Variants in WDR49 observed in about 807,000 individuals in gnomAD.
WDR49 encodes the protein WD repeat domain 49.
A neutral mutation model predicts 119.5 loss-of-function variants in WDR49; 107 were observed. The ratio of observed to expected loss-of-function variants is 0.90; its 90% confidence interval spans 0.77 to 1.05. The LOEUF is 1.05. WDR49 is among the 50% of genes least tolerant of loss of function. The pLI, the probability that WDR49 is intolerant of heterozygous loss-of-function variation, is 0.00. For synonymous variants in WDR49, 425 were observed against 418.8 expected, an observed-to-expected ratio of 1.01 and a Z score of -0.18; for missense variants, 1,240 against 1,220.5, an observed-to-expected ratio of 1.02 and a Z score of -0.24.
chr3:167,650,157 G>A (rs6444468), intron 2 of WDR49, among the ~76,000 whole-genome samples: 43,324 of 151,998 alleles, frequency 0.29, 6,667 homozygotes, highest in African/African-American at 0.4. Context: ...CTTTCCCAAA[G>A]TTCCATTTTC....
chr3:167,496,876 C>T (rs778877369), intron 18 of WDR49, among the ~76,000 whole-genome samples: 10 of 152,086 alleles, frequency 6.6e-5, no homozygotes, highest in East Asian at 1.9e-4. Flanking sequence ...GTACCCCAAA[C>T]TTAACACATT....
intron 8 of WDR49, among the ~76,000 whole-genome samples, chr3:167,561,852 C>T (rs1577241329): frequency 6.7e-6 from 1 of 150,092 alleles, no homozygotes; most frequent in Non-Finnish European, 1.5e-5. Context: ...TTGACATAGA[C>T]AGCCACATCA....
intron 18 of WDR49, among the ~76,000 whole-genome samples, chr3:167,499,528 C>A (rs992530424): frequency 3.3e-5 from 5 of 152,160 alleles, no homozygotes; most frequent in African/African-American, 1.2e-4. Context: ...TTTCACAGGA[C>A]CCCTCTTTGC....
rs951225075 is a variant in WDR49 at position 167,555,222 on chromosome 3, G to T, written c.1675-424C>A. Among the ~76,000 whole-genome samples, 23 of 152,062 alleles carry T rather than the reference G, an allele frequency of 1.5e-4. 1 individual carries two copies. The highest frequency in any genetic ancestry group is 2.4e-5 in the African/African-American group (1 of 41,412). Reference sequence around the variant, plus strand: ...GTCAGTGATGGAGTCAATCAACCCTGTGTAATGGAGCCTCCATAAAAACCC... The same window carrying T: ...GTCAGTGATGGAGTCAATCAACCCTTTGTAATGGAGCCTCCATAAAAACCC... On this transcript the variant is annotated intron_variant, in intron 9 of 18. Coordinates refer to ENST00000682715, the MANE Select transcript of WDR49 (RefSeq NM_001366157.1).
intron 16 of WDR49, among the ~76,000 whole-genome samples, chr3:167,520,550 T>C (rs933459596): frequency 6.6e-6 from 1 of 152,142 alleles, no homozygotes; most frequent in Admixed American, 6.6e-5. Flanking sequence ...TCCTTCTGCC[T>C]AAATGTAAAA....
intron 8 of WDR49, among the ~76,000 whole-genome samples, chr3:167,571,318 T>C (rs945748202): frequency 5.9e-5 from 9 of 152,172 alleles, no homozygotes; most frequent in Admixed American, 2.0e-4. Flanking sequence ...CTGTCTGACC[T>C]ATCTCTTCAT....
chr3:167,594,032 C>T (rs1715279742), intron 7 of WDR49, among the ~76,000 whole-genome samples: 1 of 152,152 alleles, frequency 6.6e-6, no homozygotes, highest in African/African-American at 2.4e-5. Context: ...CAACTATGAG[C>T]CAATGAAACC....
intron 6 of WDR49, among the ~76,000 whole-genome samples, chr3:167,603,028 A>T (rs955079766): frequency 1.3e-5 from 2 of 152,186 alleles, no homozygotes; most frequent in Non-Finnish European, 2.9e-5. Flanking sequence ...TCACCTAATG[A>T]TGCCTTTCTA....
At chr3:167,592,250 A>G (rs1218119727) in intron 7 of WDR49, among the ~76,000 whole-genome samples, 1 of 152,046 alleles carries the variant, frequency 6.6e-6, no homozygotes, top group East Asian at 1.9e-4. Context: ...TTCTATTTAT[A>G]TCTTATTGTA....
intron 8 of WDR49, among the ~76,000 whole-genome samples, chr3:167,572,246 A>G (rs890113164): frequency 1.3e-5 from 2 of 152,216 alleles, no homozygotes; most frequent in Non-Finnish European, 2.9e-5. Flanking sequence ...GAAATAAAGT[A>G]TATGATTTCC....
At position 167,575,883 on chromosome 3, in the gene WDR49, T is replaced by C. The variant is rs768636170; in HGVS notation, c.1509+35A>G. Reference sequence around the variant, plus strand: ...AAATGAGCCTCTGGACTTGGAGATATGTTAGGAGAGTGAAAGAAAAGAAAG... The same window carrying C: ...AAATGAGCCTCTGGACTTGGAGATACGTTAGGAGAGTGAAAGAAAAGAAAG... On this transcript the variant is annotated intron_variant, in intron 8 of 18. Transcript: ENST00000682715. 9.4e-6 allele frequency: 15 copies of C among 1,601,216 alleles called. No individual in the cohort carries two copies. The South Asian group carries it at 9.9e-5, about 11-fold the overall frequency.
intron 10 of WDR49, among the ~76,000 whole-genome samples, chr3:167,550,658 T>C (rs1712501166): frequency 6.6e-6 from 1 of 151,880 alleles, no homozygotes; most frequent in Middle Eastern, 3.4e-3. Flanking sequence ...ACTGTAAATA[T>C]ATACAATTTT....
intron 10 of WDR49, among the ~76,000 whole-genome samples, chr3:167,543,623 C>G (rs904408450): frequency 6.6e-6 from 1 of 151,830 alleles, no homozygotes; most frequent in African/African-American, 2.4e-5. Context: ...GCAAAATCAG[C>G]ATAGAATGAA....
chr3:167,567,484 A>G (rs1319321845), intron 8 of WDR49, among the ~76,000 whole-genome samples: 1 of 152,146 alleles, frequency 6.6e-6, no homozygotes, highest in Non-Finnish European at 1.5e-5. Context: ...ACGTGGACAC[A>G]GTTTTCTTCA....
intron 2 of WDR49, among the ~76,000 whole-genome samples, chr3:167,651,649 G>A (rs74945191): frequency 2.0e-5 from 3 of 151,640 alleles, no homozygotes; most frequent in Admixed American, 1.3e-4. Context: ...TAGAAAAACT[G>A]TCTATGTTCA....
At chr3:167,491,159 C>T (rs929424916) in intron 18 of WDR49, among the ~76,000 whole-genome samples, 1 of 152,060 alleles carries the variant, frequency 6.6e-6, no homozygotes, top group African/African-American at 2.4e-5. Context: ...GGAGCAACAT[C>T]AACAAGAACC....
chr3:167,586,654 G>A (rs1714830777), intron 7 of WDR49, among the ~76,000 whole-genome samples: 1 of 152,148 alleles, frequency 6.6e-6, no homozygotes, highest in Admixed American at 6.6e-5. Flanking sequence ...ATAAAGCAGA[G>A]GCTTACCCTG....
intron 16 of WDR49, among the ~76,000 whole-genome samples, chr3:167,506,592 A>G (rs1751777292): frequency 1.3e-5 from 2 of 152,302 alleles, no homozygotes; most frequent in South Asian, 4.1e-4. Context: ...TTAGATTTGC[A>G]GAAAAGTTAG....
chr3:167,560,015 T>C lies in WDR49; in HGVS notation c.1674+49A>G, dbSNP rs376073416. ...TCTATAGCCATGTCTTCTGGCATAG[T>C]ATTTTAGTCTCCTCATATCTGGATA... On this transcript the variant is annotated intron_variant, in intron 9 of 18. Coordinates refer to ENST00000682715, the MANE Select transcript of WDR49 (RefSeq NM_001366157.1). The C allele has an allele frequency of 5.0e-6, 8 of 1,590,260 alleles. No homozygotes were observed. The African/African-American group carries it at 8.1e-5, about 16-fold the overall frequency.
Sources: gnomAD v4.1 joint callset for allele counts (sites outside exome capture counted in the v4.1 genomes callset) on GRCh38, gnomAD v4.1.1 for gene constraint, MANE v1.5 for transcripts, NCBI Gene and HGNC (gene_info 2026-07-23, HGNC 2026-07-21) for gene names.